Variants in SNX13 observed in about 807,000 individuals in gnomAD.
The protein encoded by SNX13 is sorting nexin 13, also known as sorting nexin-13.
Under a neutral mutation model 133.6 loss-of-function variants are expected in SNX13, and 45 were observed. That is an observed-to-expected ratio of 0.34 (90% CI 0.27 to 0.43). SNX13 has a LOEUF of 0.43. Among genes scored for constraint, SNX13 ranks in the 20% least tolerant of loss-of-function variants. SNX13 has a pLI of 1.00. For missense variants in SNX13, 1,032 were observed against 1,145.1 expected, an observed-to-expected ratio of 0.90 and a Z score of 1.43; for synonymous variants, 414 against 373.9, an observed-to-expected ratio of 1.11 and a Z score of -1.24.
intron 1 of SNX13, among the ~76,000 whole-genome samples, chr7:17,932,673 T>A (rs1172313063): frequency 3.3e-5 from 5 of 152,172 alleles, no homozygotes; most frequent in Non-Finnish European, 7.4e-5. Flanking sequence ...ACATAACACA[T>A]GGAGGTGGGA....
intron 9 of SNX13, among the ~76,000 whole-genome samples, chr7:17,857,069 C>T (rs1346467779): frequency 1.3e-5 from 2 of 151,894 alleles, no homozygotes; most frequent in Non-Finnish European, 2.9e-5. Flanking sequence ...ACAACTGATA[C>T]AACTGAAATA....
intron 5 of SNX13, among the ~76,000 whole-genome samples, 193 bp from the exon 6 acceptor site, chr7:17,875,983 C>T (rs541047388): frequency 6.6e-6 from 1 of 152,278 alleles, no homozygotes; most frequent in East Asian, 1.9e-4. Flanking sequence ...ACTAAGTCTT[C>T]TAACAATATT....
At chr7:17,817,278 T>C (rs1226099709) in intron 18 of SNX13, among the ~76,000 whole-genome samples, 1 of 152,226 alleles carries the variant, frequency 6.6e-6, no homozygotes, top group African/African-American at 2.4e-5. Flanking sequence ...GCTGCTAAAA[T>C]AGTTTAAGAG....
intron 5 of SNX13, among the ~76,000 whole-genome samples, chr7:17,886,217 T>C (rs868669934): frequency 2.4e-4 from 36 of 152,222 alleles, no homozygotes; most frequent in Middle Eastern, 3.4e-3. Context: ...CCTATGTATC[T>C]ATCCCTCCTC....
chr7:17,837,136 A>T (rs985547646), intron 13 of SNX13, among the ~76,000 whole-genome samples: 15 of 150,500 alleles, frequency 1.0e-4, no homozygotes, highest in South Asian at 2.1e-4. Context: ...TAAACTTTTT[A>T]AAAAAAAAAT....
At chr7:17,855,458 A>T (rs1227733585) in intron 9 of SNX13, among the ~76,000 whole-genome samples, 1 of 152,160 alleles carries the variant, frequency 6.6e-6, no homozygotes, top group Non-Finnish European at 1.5e-5. Flanking sequence ...CTGGCTACAA[A>T]GCCTCAAAAG....
intron 9 of SNX13, among the ~76,000 whole-genome samples, chr7:17,851,754 T>C (rs1328096661): frequency 6.6e-6 from 1 of 151,910 alleles, no homozygotes; most frequent in Non-Finnish European, 1.5e-5. Flanking sequence ...CAAAATATTA[T>C]GAGGGTGTTT....
At chr7:17,885,449 T>TACTG (rs1408967004) in intron 5 of SNX13, among the ~76,000 whole-genome samples, 1 of 152,230 alleles carries the variant, frequency 6.6e-6, no homozygotes, top group Non-Finnish European at 1.5e-5. Context: ...TAACTAAAGC[T>TACTG]ACTGACTTTA....
intron 17 of SNX13, among the ~76,000 whole-genome samples, chr7:17,822,700 G>T (rs1157209900): frequency 6.6e-6 from 1 of 152,106 alleles, no homozygotes; most frequent in Non-Finnish European, 1.5e-5. Context: ...ATTTCCAGCT[G>T]GTTTTATTTC....
chr7:17,940,165 G>A, intron 1 of SNX13, 119 bp downstream of exon 1: 1 of 1,350,694 alleles, frequency 7.4e-7, no homozygotes, highest in Non-Finnish European at 1.0e-6. Context: ...TGCTCCTCGG[G>A]CCCTGGAGCC....
rs757201290 is a variant in SNX13 at position 17,890,437 on chromosome 7, T to C, written c.366A>G (p.Thr122=). ...LRDYVQYWYY[T]LSDDESFLLE... ...GAAGAAAAGATTCATCATCGCTTAG[T>C]GTATAATACCAATACTGGACATAAT... The change falls in exon 5 of 26, where the codon ACA becomes ACG. Residue 122 remains threonine (T), a synonymous_variant. Transcript: ENST00000428135. The C allele has an allele frequency of 2.5e-6, 4 of 1,609,298 alleles. No individual in the cohort carries two copies. The South Asian group carries it at 4.4e-5, about 18-fold the overall frequency.
chr7:17,933,645 G>T (rs1475186609), intron 1 of SNX13, among the ~76,000 whole-genome samples: 1 of 150,806 alleles, frequency 6.6e-6, no homozygotes. Flanking sequence ...ACTTCTTTTA[G>T]TCTATTCCCT....
At chr7:17,855,711 C>T (rs1300093388) in intron 9 of SNX13, among the ~76,000 whole-genome samples, 1 of 152,220 alleles carries the variant, frequency 6.6e-6, no homozygotes, top group Non-Finnish European at 1.5e-5. Flanking sequence ...TATTATTGCT[C>T]ACTGACAACA....
intron 1 of SNX13, among the ~76,000 whole-genome samples, chr7:17,916,295 A>T (rs1337112609): frequency 6.6e-6 from 1 of 152,196 alleles, no homozygotes. Context: ...AGAAGAAGAA[A>T]GCAAATAACT....
intron 5 of SNX13, chr7:17,888,824 A>C (rs1796297120): frequency 2.3e-6 from 1 of 436,746 alleles, no homozygotes; most frequent in African/African-American, 2.1e-5. Context: ...TTATTATTAC[A>C]CTTATTTTAC....
chr7:17,807,890 A>G (rs1008337631), intron 20 of SNX13, among the ~76,000 whole-genome samples: 6 of 152,208 alleles, frequency 3.9e-5, no homozygotes, highest in African/African-American at 1.4e-4. Flanking sequence ...GAAAACTAAC[A>G]AACAGAAAGG....
chr7:17,936,810 T>C (rs1311716194), intron 1 of SNX13, among the ~76,000 whole-genome samples: 1 of 150,384 alleles, frequency 6.6e-6, no homozygotes. Context: ...ATATATGAAG[T>C]TTACTGTTAG....
Position 17,893,430 on chromosome 7 carries a change from A to G in SNX13, c.130T>C (p.Leu44=). Residue 44 remains leucine, a synonymous_variant, in exon 3 of 26, where the codon TTA becomes CTA. Coordinates refer to ENST00000428135, the MANE Select transcript of SNX13 (RefSeq NM_015132.5). ...FYILCFVGGG[L]VVTLLFGKTN... ...TTTCCAAACAGGAGAGTAACCACTA[A>G]ACCCCTAGAAAGAAAAATTTAATCA... The G allele has an allele frequency of 3.9e-6, 6 of 1,535,630 alleles. No homozygotes were observed. The South Asian group carries it at 6.3e-5, about 16-fold the overall frequency.
chr7:17,940,335 C>T lies in SNX13; in HGVS notation c.-40G>A. On this transcript the variant is annotated 5_prime_UTR_variant, in exon 1 of 26. Coordinates refer to ENST00000428135, the MANE Select transcript of SNX13 (RefSeq NM_015132.5). ...GAAGTGAGGTCCTCCCTAGCCTCGC[C>T]TCATGGCAACAGCCGTAGCAGCAGC... is the stretch of plus-strand genomic sequence containing the variant. 6.4e-7 allele frequency: 1 copy of T among 1,560,322 alleles called. No individual in the cohort carries two copies. Among genetic ancestry groups the T allele is most frequent in the Non-Finnish European group, 8.7e-7 (1 of 1,152,276 alleles).
Sources: allele counts gnomAD v4.1 joint callset (sites outside exome capture counted in the v4.1 genomes callset), GRCh38; gene constraint gnomAD v4.1.1; transcripts MANE v1.5; gene names NCBI Gene and HGNC (gene_info 2026-07-23, HGNC 2026-07-21).